Variants in BRD1 observed in about 807,000 individuals in gnomAD.
BRD1 encodes bromodomain containing 1.
In BRD1, 24 loss-of-function variants were observed where a neutral mutation model predicts 107.7. The ratio of observed to expected loss-of-function variants is 0.22; its 90% CI spans 0.16 to 0.31. BRD1 has a LOEUF of 0.31. Ranked by LOEUF, BRD1 falls within the 10% of genes least tolerant of loss-of-function variation. The pLI is 1.00. For missense variants in BRD1, 1,279 were observed against 1,638.6 expected (o/e 0.78, Z 3.79); for synonymous variants, 744 against 686.1 (o/e 1.08, Z -1.32).
At position 49,777,022 on chromosome 22, in the gene BRD1, C is replaced by T. The variant is rs777707723; in HGVS notation, c.3121+12G>A. 8.1e-6 allele frequency: 13 copies of T among 1,612,796 alleles called. No homozygotes were observed. The highest frequency in any genetic ancestry group is 3.3e-5 in the Admixed American group (2 of 60,008). On this transcript the variant is annotated intron_variant, in intron 10 of 12. Coordinates refer to ENST00000404760, the MANE Select transcript of BRD1 (RefSeq NM_001304808.3). ...GTGTGGAGAGCCATGGAGGCAGGTC[C>T]GGGCGACTCACCGGCTGCGATCCTG...
intron 6 of BRD1, among the ~76,000 whole-genome samples, chr22:49,795,858 G>A (rs573999850): frequency 9.2e-5 from 14 of 152,270 alleles, no homozygotes; most frequent in South Asian, 4.2e-4. Context: ...ACTCTGAGGC[G>A]GCTCAGCCCT....
chr22:49,779,382 G>A (rs1043134633), intron 8 of BRD1, among the ~76,000 whole-genome samples: 2 of 152,204 alleles, frequency 1.3e-5, no homozygotes, highest in Non-Finnish European at 1.5e-5. Flanking sequence ...AAACAGAGGG[G>A]CTAAATCAAG....
intron 2 of BRD1, chr22:49,806,075 T>A (rs901459433): frequency 1.3e-5 from 2 of 151,892 alleles, no homozygotes; most frequent in Non-Finnish European, 2.9e-5. Flanking sequence ...TCAGTGAAGA[T>A]GGGGTTTTGC....
intron 1 of BRD1, among the ~76,000 whole-genome samples, chr22:49,826,991 C>T (rs1448479338): frequency 1.3e-5 from 2 of 152,156 alleles, no homozygotes; most frequent in Non-Finnish European, 2.9e-5. Flanking sequence ...GGTGCCGGTT[C>T]CCAAGCCCGG....
intron 3 of BRD1, among the ~76,000 whole-genome samples, chr22:49,799,368 C>T (rs1002397371): frequency 5.9e-5 from 9 of 152,070 alleles, no homozygotes; most frequent in Admixed American, 3.3e-4. Flanking sequence ...GGGCTGGCCC[C>T]GGTGCACAGG....
rs796243935 is a variant in BRD1 at position 49,792,026 on chromosome 22, G to A, written c.2359+2008C>T. On this transcript the variant is annotated intron_variant, in intron 7 of 12. Coordinates refer to ENST00000404760, the MANE Select transcript of BRD1 (RefSeq NM_001304808.3). The surrounding 1 kb of genome is among the most constrained non-coding windows in gnomAD (Gnocchi z 4.2). ...TCCAAAGGCTCCTGCTAAGCGTTGG[G>A]TGTTATGAGGAGCCACGCTCACCAC... 3.3e-5 allele frequency among the ~76,000 whole-genome samples: 5 copies of A among 152,280 alleles called. No individual in the cohort carries two copies. The highest frequency in any genetic ancestry group is 1.2e-4 in the African/African-American group (5 of 41,552).
In BRD1 at chr22:49,810,169, A is replaced by C. The variant is rs556905050; in HGVS notation, c.1368-5809T>G. On this transcript the variant is annotated intron_variant, in intron 2 of 12. Coordinates refer to ENST00000404760, the MANE Select transcript of BRD1 (RefSeq NM_001304808.3). ...AAGAAAGAAAGCGAGCGAGCAAGCA[A>C]GCAAGCCCCACATGCTTCTAGACTG... Among the ~76,000 whole-genome samples, 18 of 152,346 alleles carry C rather than the reference A, an allele frequency of 1.2e-4. No homozygotes were observed. In the South Asian group the frequency reaches 3.5e-3, roughly 30 times the overall value.
chr22:49,822,719 A>G (rs1407099363), intron 2 of BRD1, among the ~76,000 whole-genome samples: 1 of 152,202 alleles, frequency 6.6e-6, no homozygotes, highest in African/African-American at 2.4e-5. Context: ...CCAAAAAAAA[A>G]AACATAGAAA....
intron 7 of BRD1, among the ~76,000 whole-genome samples, chr22:49,791,048 G>T (rs972199044): frequency 5.3e-5 from 8 of 152,252 alleles, no homozygotes; most frequent in African/African-American, 1.9e-4. Context: ...GCCTCACCAT[G>T]TCAGCAGACA....
intron 9 of BRD1, 76 bp from the exon 10 acceptor site, chr22:49,777,237 T>C (rs964809504): frequency 6.3e-7 from 1 of 1,583,054 alleles, no homozygotes; most frequent in Non-Finnish European, 8.6e-7. Context: ...TCCCGTGAGC[T>C]GTCCGCCACC....
intron 3 of BRD1, among the ~76,000 whole-genome samples, chr22:49,801,583 G>A (rs1473179620): frequency 1.3e-5 from 2 of 152,220 alleles, no homozygotes; most frequent in African/African-American, 2.4e-5. Flanking sequence ...GGCTCTCCAC[G>A]CCGACTGCTC....
intron 8 of BRD1, among the ~76,000 whole-genome samples, chr22:49,781,674 G>A (rs1359858425): frequency 2.0e-5 from 3 of 152,234 alleles, no homozygotes; most frequent in African/African-American, 7.2e-5. Flanking sequence ...AAGCTTGGCC[G>A]TATGAAGCAG....
chr22:49,776,914 G>A, intron 10 of BRD1, 120 bp downstream of exon 10: 2 of 1,446,828 alleles, frequency 1.4e-6, no homozygotes, highest in Non-Finnish European at 1.9e-6. Flanking sequence ...AGGTTGGCCA[G>A]GGTGGGGCTC....
chr22:49,809,811 C>T (rs2059816143), intron 2 of BRD1, among the ~76,000 whole-genome samples: 1 of 152,110 alleles, frequency 6.6e-6, no homozygotes, highest in African/African-American at 2.4e-5. Context: ...AAATGCAAAA[C>T]CTCCAGGAGC....
chr22:49,788,928 A>G (rs2059380536), intron 7 of BRD1, among the ~76,000 whole-genome samples: 1 of 152,264 alleles, frequency 6.6e-6, no homozygotes, highest in Non-Finnish European at 1.5e-5. Flanking sequence ...ATGTATGGTT[A>G]CTATTGTCAT....
intron 7 of BRD1, among the ~76,000 whole-genome samples, chr22:49,788,678 C>T (rs752018273): frequency 6.6e-5 from 10 of 152,138 alleles, no homozygotes; most frequent in East Asian, 1.9e-4. Flanking sequence ...TCCAGGGGGC[C>T]GGACAGGCTC....
chr22:49,791,703 T>A (rs1435219456), intron 7 of BRD1, among the ~76,000 whole-genome samples: 6 of 152,034 alleles, frequency 3.9e-5, no homozygotes, highest in African/African-American at 1.2e-4. Flanking sequence ...GACCCCCATC[T>A]TCTCTGAGGG....
chr22:49,806,164 C>T (rs1007857263), intron 2 of BRD1: 2 of 152,188 alleles, frequency 1.3e-5, no homozygotes, highest in African/African-American at 4.8e-5. Context: ...CCACCACACC[C>T]AGCCAGCCCT....
intron 10 of BRD1, 128 bp from the exon 11 acceptor site, chr22:49,776,287 C>T: frequency 1.3e-6 from 1 of 766,736 alleles, no homozygotes; most frequent in South Asian, 1.6e-5. Context: ...CTTTCTCAGC[C>T]ACCCCGGCAG....
Sources: gnomAD v4.1 joint callset for allele counts (sites outside exome capture counted in the v4.1 genomes callset) on GRCh38, gnomAD v4.1.1 for gene constraint, Gnocchi (gnomAD v3.1) non-coding constraint, MANE v1.5 for transcripts, NCBI Gene and HGNC (gene_info 2026-07-23, HGNC 2026-07-21) for gene names.